Variants in KATNAL2 observed in about 807,000 individuals in gnomAD.
The protein encoded by KATNAL2 is katanin catalytic subunit A1 like 2.
KATNAL2 carries 52 observed loss-of-function variants against 76.3 expected under a neutral mutation model. That is an observed-to-expected ratio of 0.68 (90% CI 0.55 to 0.86). The LOEUF (loss-of-function observed/expected upper bound fraction) is 0.86. Ranked by LOEUF, KATNAL2 falls within the 40% of genes least tolerant of loss-of-function variation. The pLI, the probability that KATNAL2 is intolerant of heterozygous loss-of-function variation, is 0.00. For missense variants in KATNAL2, 660 were observed against 668.9 expected, an observed-to-expected ratio of 0.99 and a Z score of 0.15; for synonymous variants, 243 against 244.2, an observed-to-expected ratio of 1.00 and a Z score of 0.05.
chr18:47,070,097 C>CTTTTTT (rs34614350), intron 13 of KATNAL2, among the ~76,000 whole-genome samples: 2 of 134,908 alleles, frequency 1.5e-5, no homozygotes, highest in Non-Finnish European at 3.1e-5. Flanking sequence ...TTTTTGCTTT[C>CTTTTTT]TTTTTTTTTT....
Position 47,099,366 on chromosome 18 carries a change from G to A in KATNAL2, c.1335G>A (p.Leu445=). 1 of 1,614,020 alleles carries A rather than the reference G, an allele frequency of 6.2e-7. No homozygotes were observed. Among genetic ancestry groups the A allele is most frequent in the South Asian group, 1.1e-5 (1 of 91,062 alleles). Residue 445 remains leucine (L), a synonymous_variant, in exon 16 of 18, where the codon TTG becomes TTA. Coordinates refer to ENST00000683218, the MANE Select transcript of KATNAL2 (RefSeq NM_001387690.1). ...CTCCTGTGAGCAAGAGCAGGGCCTTGGAGCTGCACACAGAGCTGGAGTACA... is the reference window on the plus strand; with the variant it reads ...CTCCTGTGAGCAAGAGCAGGGCCTTAGAGCTGCACACAGAGCTGGAGTACA... ...WLPPVSKSRA[L]ELHTELEYSV...
At position 47,035,050 on chromosome 18, in the gene KATNAL2, C is replaced by T. The variant is rs748469482; in HGVS notation, c.52-11407C>T. On this transcript the variant is annotated intron_variant, in intron 3 of 17. Transcript: ENST00000683218. ...GTCCACGAGCACCAGCTTCTTCCAC[C>T]GGGCCGCTAAGTCTCTGGCAAAGTC... 4.3e-6 allele frequency: 7 copies of T among 1,611,740 alleles called. No homozygotes were observed. The highest frequency in any genetic ancestry group is 2.7e-5 in the African/African-American group (2 of 74,862).
intron 3 of KATNAL2, among the ~76,000 whole-genome samples, chr18:46,953,525 G>A (rs1188053890): frequency 6.6e-6 from 1 of 152,144 alleles, no homozygotes; most frequent in Non-Finnish European, 1.5e-5. Flanking sequence ...TGTGTTAGAG[G>A]TGGGAGGGGT....
intron 8 of KATNAL2, among the ~76,000 whole-genome samples, chr18:47,062,382 G>GAA (rs779449087): frequency 2.9e-5 from 4 of 136,666 alleles, no homozygotes; most frequent in East Asian, 2.1e-4. Flanking sequence ...TCTCTTAAAG[G>GAA]AAAAAAAAAA....
rs371830698 is a variant in KATNAL2 at position 47,035,489 on chromosome 18, C to T, written c.52-10968C>T. 8.6e-6 allele frequency: 8 copies of T among 925,568 alleles called. No individual in the cohort carries two copies. In the East Asian group the frequency reaches 1.1e-4, roughly 12 times the overall value. 57.3% of individuals were successfully genotyped at this position (925,568 alleles called of 1,614,324 possible). A position where few individuals can be genotyped will look rare whatever the true frequency, so the allele number is the denominator to read the frequency against. The stretch of plus-strand genomic sequence containing the variant: ...GCTGAGCAGGCCCGCTTTTGTTCCT[C>T]GGGATGTGGAGCCACAGCCTGGAGT... On this transcript the variant is annotated intron_variant, in intron 3 of 17. Coordinates refer to ENST00000683218, the MANE Select transcript of KATNAL2 (RefSeq NM_001387690.1).
chr18:47,073,650 C>A (rs1385487633), intron 13 of KATNAL2, among the ~76,000 whole-genome samples: 1 of 152,180 alleles, frequency 6.6e-6, no homozygotes, highest in African/African-American at 2.4e-5. Context: ...GTGTTCCTCC[C>A]TCCCCTACTA....
intron 15 of KATNAL2, 81 bp downstream of exon 15, chr18:47,077,542 A>G: frequency 1.1e-6 from 1 of 943,692 alleles, no homozygotes; most frequent in Non-Finnish European, 1.7e-6. Flanking sequence ...TGACCACTTC[A>G]GGCAAAGCTG....
At chr18:47,084,317 T>G (rs2062667132) in intron 15 of KATNAL2, 1 of 702,760 alleles carries the variant, frequency 1.4e-6, no homozygotes, top group Non-Finnish European at 2.6e-6. Flanking sequence ...GATGTAACCC[T>G]TGTTCTTTCC....
chr18:47,060,765 C>A (rs1471550560), intron 8 of KATNAL2, among the ~76,000 whole-genome samples: 4 of 152,202 alleles, frequency 2.6e-5, no homozygotes, highest in Non-Finnish European at 5.9e-5. Flanking sequence ...CCTCACTGGC[C>A]TGAACTGACT....
Position 46,931,944 on chromosome 18 carries a change from C to T in KATNAL2, c.-510+14018C>T, listed in dbSNP as rs187262523. Among the ~76,000 whole-genome samples the T allele has an allele frequency of 4.4e-3, 655 of 147,680 alleles. 2 individuals are homozygous for T. The highest frequency in any genetic ancestry group is 7.2e-3 in the Non-Finnish European group (483 of 67,266). ...TCTTTTTTTTTTTGAGACGGGGTCT[C>T]GTTCTGTTGCCAGGCTGGAGTGCAC... On this transcript the variant is annotated intron_variant, in intron 1 of 17. Transcript: ENST00000683218.
At chr18:46,918,894 T>C (rs1467848971) in intron 1 of KATNAL2, among the ~76,000 whole-genome samples, 2 of 152,162 alleles carry the variant, frequency 1.3e-5, no homozygotes, top group South Asian at 2.1e-4. Flanking sequence ...TCCCCTGTTA[T>C]GACCTCTCCT....
At chr18:47,096,267 T>C (rs1203453416) in intron 15 of KATNAL2, among the ~76,000 whole-genome samples, 2 of 152,200 alleles carry the variant, frequency 1.3e-5, no homozygotes, top group African/African-American at 2.4e-5. Flanking sequence ...GGGAAGACAG[T>C]TTAGATATTC....
At chr18:46,953,002 C>T (rs1416179255) in intron 3 of KATNAL2, among the ~76,000 whole-genome samples, 2 of 149,338 alleles carry the variant, frequency 1.3e-5, no homozygotes, top group Non-Finnish European at 3.0e-5. Flanking sequence ...TCAACCGATT[C>T]TCCTGACTCA....
intron 3 of KATNAL2, among the ~76,000 whole-genome samples, chr18:47,031,481 T>A (rs2060438543): frequency 6.6e-6 from 1 of 152,112 alleles, no homozygotes; most frequent in African/African-American, 2.4e-5. Flanking sequence ...AGAAAATCAT[T>A]ATGCCCTGAG....
chr18:47,091,679 A>T (rs2063005976), intron 15 of KATNAL2, among the ~76,000 whole-genome samples: 1 of 152,086 alleles, frequency 6.6e-6, no homozygotes, highest in African/African-American at 2.4e-5. Flanking sequence ...GCTTTAGGGC[A>T]TTAGCTAATC....
chr18:47,073,393 C>T (rs979884507), intron 13 of KATNAL2, among the ~76,000 whole-genome samples: 4 of 152,262 alleles, frequency 2.6e-5, no homozygotes, highest in East Asian at 1.9e-4. Flanking sequence ...AAACAGATAA[C>T]CTCTGCTAAC....
At chr18:47,049,929 C>T (rs1266293601) in intron 4 of KATNAL2, among the ~76,000 whole-genome samples, 2 of 152,176 alleles carry the variant, frequency 1.3e-5, no homozygotes, top group East Asian at 3.9e-4. Context: ...GATGGAATCT[C>T]GCTATGTAGA....
chr18:47,034,563 T>G lies in KATNAL2; in HGVS notation c.52-11894T>G, dbSNP rs766319991. On this transcript the variant is annotated intron_variant, in intron 3 of 17. Coordinates refer to ENST00000683218, the MANE Select transcript of KATNAL2 (RefSeq NM_001387690.1). ...AATCTCCCTGGGCACACAAGGGGCG[T>G]TTTTCCTGGCGAGACGATTTGTGCC... 37 of 1,613,976 alleles carry G rather than the reference T, an allele frequency of 2.3e-5. No homozygotes were observed. In the African/African-American group the frequency reaches 4.8e-4, roughly 21 times the overall value.
intron 8 of KATNAL2, among the ~76,000 whole-genome samples, chr18:47,062,053 G>A (rs1433880722): frequency 6.6e-6 from 1 of 152,056 alleles, no homozygotes; most frequent in Non-Finnish European, 1.5e-5. Flanking sequence ...TATGAAGCCA[G>A]GATGTCACTC....
Sources: gnomAD v4.1 joint callset for allele counts (sites outside exome capture counted in the v4.1 genomes callset) on GRCh38, gnomAD v4.1.1 for gene constraint, MANE v1.5 for transcripts, NCBI Gene and HGNC (gene_info 2026-07-23, HGNC 2026-07-21) for gene names.